The following GALNT7 variants were observed in gnomAD, a reference collection of about 807,000 sequenced individuals.
GALNT7 encodes the protein N-acetylgalactosaminyltransferase 7.
A neutral mutation model predicts 82.1 loss-of-function variants in GALNT7; 60 were observed. The ratio of observed to expected loss-of-function variants is 0.73; its 90% confidence interval spans 0.59 to 0.91. The LOEUF is 0.91. GALNT7 is among the 40% of genes least tolerant of loss of function. The pLI, the probability that GALNT7 is intolerant of heterozygous loss-of-function variation, is 0.00. For synonymous variants in GALNT7, 243 were observed against 275.1 expected (o/e 0.88, Z 1.15); for missense variants, 660 against 804.2 (o/e 0.82, Z 2.17).
At chr4:173,293,622 A>T (rs1490622265) in intron 3 of GALNT7, among the ~76,000 whole-genome samples, 1 of 152,220 alleles carries the variant, frequency 6.6e-6, no homozygotes, top group Non-Finnish European at 1.5e-5. Flanking sequence ...TATCCTCTAT[A>T]AAGGTTTGGA....
At chr4:173,262,712 A>C (rs1735323262) in intron 2 of GALNT7, among the ~76,000 whole-genome samples, 1 of 152,156 alleles carries the variant, frequency 6.6e-6, no homozygotes, top group African/African-American at 2.4e-5. Context: ...ATAAATCATA[A>C]AAACTTATTC....
In GALNT7 at chr4:173,180,326, CTTTTTTTT is replaced by C. The variant is rs10687213; in HGVS notation, c.126+11376_126+11383del. ...AATATATTTCATCATATTGGAGTTC[CTTTTTTTT>C]TTTTTTTTTTGAGATGGAGTTACAC... On this transcript the variant is annotated intron_variant, in intron 1 of 11. Transcript: ENST00000265000. 6.4e-3 allele frequency among the ~76,000 whole-genome samples: 784 copies of C among 123,184 alleles called. 7 individuals are homozygous for C. The highest frequency in any genetic ancestry group is 0.022 in the African/African-American group (714 of 32,554). The allele number at this position is 123,184 out of a possible 152,430, so 80.8% of individuals were successfully genotyped here.
chr4:173,297,629 A>G (rs1561194663), intron 5 of GALNT7, among the ~76,000 whole-genome samples: 2 of 152,188 alleles, frequency 1.3e-5, no homozygotes, highest in African/African-American at 4.8e-5. Flanking sequence ...CCTTACGTAA[A>G]CAGGCTTTTC....
chr4:173,291,702 C>A lies in GALNT7; in HGVS notation c.588-406C>A, dbSNP rs569738133. ...CAATATAGTGTGTTTAGCTTTCAAA[C>A]GCAGTAATATAATGGTTTATTTAGC... is the stretch of plus-strand genomic sequence containing the variant. On this transcript the variant is annotated intron_variant, in intron 2 of 11. Coordinates refer to ENST00000265000, the MANE Select transcript of GALNT7 (RefSeq NM_017423.3). Among the ~76,000 whole-genome samples, 30 of 151,248 alleles carry A rather than the reference C, an allele frequency of 2.0e-4. No individual in the cohort carries two copies. In the South Asian group the frequency reaches 6.0e-3, roughly 30 times the overall value.
intron 8 of GALNT7, among the ~76,000 whole-genome samples, chr4:173,307,685 C>T (rs182205906): frequency 1.3e-3 from 201 of 152,264 alleles, no homozygotes; most frequent in African/African-American, 4.7e-3. Context: ...ACAATAAAGG[C>T]GTGGCTCTGA....
At chr4:173,279,604 T>C (rs1736038398) in intron 2 of GALNT7, among the ~76,000 whole-genome samples, 1 of 152,244 alleles carries the variant, frequency 6.6e-6, no homozygotes, top group Admixed American at 6.5e-5. Flanking sequence ...TAAGCATTTT[T>C]CCACTTCCTT....
At chr4:173,184,004 C>G (rs1051504617) in intron 1 of GALNT7, among the ~76,000 whole-genome samples, 10 of 146,110 alleles carry the variant, frequency 6.8e-5, no homozygotes, top group African/African-American at 2.1e-4. Context: ...TCAGACGGGT[C>G]GGTGGGGCAG....
intron 5 of GALNT7, among the ~76,000 whole-genome samples, chr4:173,297,468 C>T (rs1736758535): frequency 6.6e-6 from 1 of 152,062 alleles, no homozygotes; most frequent in South Asian, 2.1e-4. Context: ...AAATAACAGG[C>T]AAGAAAATCT....
intron 1 of GALNT7, among the ~76,000 whole-genome samples, chr4:173,226,763 T>C (rs1256499441): frequency 6.6e-6 from 1 of 152,202 alleles, no homozygotes; most frequent in Non-Finnish European, 1.5e-5. Flanking sequence ...TATATGGGAT[T>C]ATGTGCTCTC....
chr4:173,314,367 C>A (rs984767772), intron 9 of GALNT7, among the ~76,000 whole-genome samples, 191 bp downstream of exon 9: 1 of 152,200 alleles, frequency 6.6e-6, no homozygotes, highest in African/African-American at 2.4e-5. Context: ...TGTCTCCTGG[C>A]AGCCTTTGCT....
chr4:173,300,521 G>C (rs1375842007), intron 6 of GALNT7, among the ~76,000 whole-genome samples: 2 of 152,076 alleles, frequency 1.3e-5, no homozygotes, highest in African/African-American at 4.8e-5. Flanking sequence ...CTGTGGAAAA[G>C]GAGAAGGAAC....
intron 1 of GALNT7, among the ~76,000 whole-genome samples, chr4:173,180,021 C>T (rs1436785816): frequency 6.6e-6 from 1 of 151,992 alleles, no homozygotes; most frequent in African/African-American, 2.4e-5. Context: ...TATCAGTATA[C>T]TTAAGTGAGT....
At chr4:173,296,941 C>G (rs1471803484) in intron 5 of GALNT7, among the ~76,000 whole-genome samples, 1 of 152,124 alleles carries the variant, frequency 6.6e-6, no homozygotes, top group Admixed American at 6.5e-5. Context: ...TAGGTTTTCC[C>G]TTTTCCTTGG....
intron 2 of GALNT7, among the ~76,000 whole-genome samples, chr4:173,252,447 C>T (rs983115658): frequency 6.6e-6 from 1 of 152,194 alleles, no homozygotes; most frequent in Admixed American, 6.5e-5. Context: ...TTCGTTCTTG[C>T]GGCTGTTGTG....
In GALNT7 at chr4:173,295,783, C is replaced by T. The variant is rs1736699847; in HGVS notation, c.905C>T (p.Ala302Val). Residue 302 changes from alanine to valine, a missense_variant, in exon 5 of 12, where the codon GCC becomes GTC. This residue lies in a region of GALNT7 where 527 missense variants were observed against 683.5 expected (regional missense o/e 0.77). Coordinates refer to ENST00000265000, the MANE Select transcript of GALNT7 (RefSeq NM_017423.3). ...KLGQVLIYLD[A>V]HCEVAVNWYA... is the part of the protein sequence containing the mutation. Reference sequence around the variant, plus strand: ...TTTAAGGTTTTGATATACCTTGATGCCCACTGTGAGGTGGCAGTTAACTGG... The same window carrying T: ...TTTAAGGTTTTGATATACCTTGATGTCCACTGTGAGGTGGCAGTTAACTGG... 1.2e-6 allele frequency: 2 copies of T among 1,606,800 alleles called. No individual in the cohort carries two copies. Among genetic ancestry groups the T allele is most frequent in the African/African-American group, 1.3e-5 (1 of 74,668 alleles).
At chr4:173,207,515 G>A (rs781535412) in intron 1 of GALNT7, among the ~76,000 whole-genome samples, 9 of 151,954 alleles carry the variant, frequency 5.9e-5, no homozygotes, top group Non-Finnish European at 1.3e-4. Flanking sequence ...TTTCCATATC[G>A]TTTAGTAGTA....
intron 1 of GALNT7, among the ~76,000 whole-genome samples, chr4:173,207,503 A>G (rs1733136837): frequency 6.6e-6 from 1 of 152,108 alleles, no homozygotes; most frequent in African/African-American, 2.4e-5. Context: ...ACCATTAAAT[A>G]TTTTCCATAT....
intron 1 of GALNT7, among the ~76,000 whole-genome samples, chr4:173,195,870 C>A (rs1434147037): frequency 6.6e-6 from 1 of 152,196 alleles, no homozygotes; most frequent in Non-Finnish European, 1.5e-5. Flanking sequence ...TATGTGGTTT[C>A]TATTAACAAT....
At chr4:173,220,423 T>C (rs1733606441) in intron 1 of GALNT7, among the ~76,000 whole-genome samples, 1 of 152,182 alleles carries the variant, frequency 6.6e-6, no homozygotes, top group Non-Finnish European at 1.5e-5. Flanking sequence ...AGTTGGGAAA[T>C]GTAATACCTC....
Sources: allele counts gnomAD v4.1 joint callset (sites outside exome capture counted in the v4.1 genomes callset), GRCh38; gene constraint gnomAD v4.1.1; regional missense constraint gnomAD v4.1.1; transcripts MANE v1.5; gene names NCBI Gene and HGNC (gene_info 2026-07-23, HGNC 2026-07-21).